Variants in NBEA observed in about 807,000 individuals in gnomAD.
NBEA encodes the protein neurobeachin, also known as lysosomal-trafficking regulator 2.
In NBEA, 44 loss-of-function variants were observed where a neutral mutation model predicts 343.4. The ratio of observed to expected loss-of-function variants is 0.13; its 90% CI spans 0.10 to 0.16. The LOEUF is 0.16. NBEA is among the 10% of genes least tolerant of loss of function. The pLI is 1.00. For synonymous variants in NBEA, 1,175 were observed against 1,238.7 expected (o/e 0.95, Z 1.08); for missense variants, 2,555 against 3,631.3 (o/e 0.70, Z 7.62).
intron 1 of NBEA, among the ~76,000 whole-genome samples, chr13:34,973,190 A>C (rs1398671112): frequency 6.6e-6 from 1 of 152,034 alleles, no homozygotes; most frequent in Non-Finnish European, 1.5e-5. Context: ...CATCCCAGGG[A>C]GGTACAGACT....
At chr13:35,481,784 C>G (rs1046990996) in intron 41 of NBEA, among the ~76,000 whole-genome samples, 2 of 151,714 alleles carry the variant, frequency 1.3e-5, no homozygotes, top group African/African-American at 4.8e-5. Flanking sequence ...TATTTCCTAA[C>G]CTACAACATA....
chr13:35,650,995 G>A (rs1201654906), intron 52 of NBEA, among the ~76,000 whole-genome samples: 3 of 152,158 alleles, frequency 2.0e-5, no homozygotes, highest in African/African-American at 4.8e-5. Flanking sequence ...TATTATCAAC[G>A]TAAGGTAACG....
intron 36 of NBEA, among the ~76,000 whole-genome samples, chr13:35,342,655 G>T (rs560666750): frequency 1.8e-4 from 28 of 152,014 alleles, no homozygotes; most frequent in African/African-American, 6.5e-4. Flanking sequence ...AGTTAGAAGG[G>T]ATTGTTACAT....
intron 1 of NBEA, among the ~76,000 whole-genome samples, chr13:34,949,496 T>C (rs1299127643): frequency 6.6e-6 from 1 of 152,144 alleles, no homozygotes; most frequent in Non-Finnish European, 1.5e-5. Context: ...AGAAGGAAAA[T>C]CTGCGTTATG....
At chr13:35,648,180 C>G (rs1475722954) in intron 51 of NBEA, among the ~76,000 whole-genome samples, 1 of 104,154 alleles carries the variant, frequency 9.6e-6, no homozygotes, top group East Asian at 2.7e-4. Flanking sequence ...TGTTTAAACT[C>G]TTTTTTTTTT....
At chr13:35,359,949 C>T (rs182087438) in intron 38 of NBEA, among the ~76,000 whole-genome samples, 5 of 151,826 alleles carry the variant, frequency 3.3e-5, no homozygotes, top group East Asian at 1.9e-4. Context: ...TATGTATTGA[C>T]GGTAACTATG....
intron 41 of NBEA, among the ~76,000 whole-genome samples, chr13:35,481,832 A>C (rs2076132883): frequency 6.6e-6 from 1 of 151,900 alleles, no homozygotes; most frequent in Admixed American, 6.6e-5. Context: ...ACATGAATTT[A>C]CGTACATTTG....
intron 30 of NBEA, among the ~76,000 whole-genome samples, chr13:35,191,970 T>C (rs924461750): frequency 5.3e-5 from 8 of 152,038 alleles, no homozygotes; most frequent in Non-Finnish European, 1.0e-4. Flanking sequence ...CAAAATGTAT[T>C]AGATGAACTC....
At chr13:35,472,372 C>T (rs1428294728) in intron 40 of NBEA, 28 bp from the exon 41 acceptor site, 1 of 1,606,818 alleles carries the variant, frequency 6.2e-7, no homozygotes, top group Non-Finnish European at 8.5e-7. Flanking sequence ...AGGGGCTCAG[C>T]CTGACTCCCC....
At chr13:35,570,756 A>T (rs2080368211) in intron 45 of NBEA, among the ~76,000 whole-genome samples, 1 of 152,204 alleles carries the variant, frequency 6.6e-6, no homozygotes, top group Admixed American at 6.5e-5. Flanking sequence ...ACCTGAGACT[A>T]TCCTGTATAA....
chr13:35,103,090 T>G (rs1329411495), intron 11 of NBEA, among the ~76,000 whole-genome samples: 2 of 151,834 alleles, frequency 1.3e-5, no homozygotes, highest in Non-Finnish European at 1.5e-5. Context: ...AACAGGATTT[T>G]ATATAACATC....
At chr13:35,388,584 AT>A (rs1214966707) in intron 38 of NBEA, among the ~76,000 whole-genome samples, 1 of 152,306 alleles carries the variant, frequency 6.6e-6, no homozygotes, top group East Asian at 1.9e-4. Flanking sequence ...CCCCTGGGTA[AT>A]GACTTTTAGT....
chr13:35,280,058 A>G (rs1052218598), intron 34 of NBEA, among the ~76,000 whole-genome samples: 2 of 152,180 alleles, frequency 1.3e-5, no homozygotes, highest in Non-Finnish European at 2.9e-5. Context: ...ATTTGTGTGT[A>G]TCTAGCTAAA....
At chr13:35,063,807 A>G (rs1021499912) in intron 8 of NBEA, among the ~76,000 whole-genome samples, 3 of 152,006 alleles carry the variant, frequency 2.0e-5, no homozygotes, top group Non-Finnish European at 4.4e-5. Flanking sequence ...CATATCTAAA[A>G]TATCTAAGAC....
At chr13:35,566,492 G>A (rs2153025746) in intron 44 of NBEA, among the ~76,000 whole-genome samples, 1 of 152,284 alleles carries the variant, frequency 6.6e-6, no homozygotes, top group South Asian at 2.1e-4. Flanking sequence ...TGCTTCCGGG[G>A]TTGCAATATT....
intron 11 of NBEA, among the ~76,000 whole-genome samples, chr13:35,107,115 A>C (rs551648830): frequency 6.6e-5 from 10 of 152,098 alleles, no homozygotes; most frequent in African/African-American, 2.4e-4. Flanking sequence ...TGAAATTATA[A>C]TTAGTGAAGG....
At chr13:35,295,879 G>T (rs1399124246) in intron 35 of NBEA, among the ~76,000 whole-genome samples, 4 of 152,022 alleles carry the variant, frequency 2.6e-5, no homozygotes, top group Admixed American at 2.6e-4. Context: ...TTTTATTGTT[G>T]AATTCTTTTT....
intron 46 of NBEA, among the ~76,000 whole-genome samples, chr13:35,584,474 T>G (rs1018641489): frequency 6.6e-6 from 1 of 150,736 alleles, no homozygotes; most frequent in African/African-American, 2.4e-5. Context: ...ATGTAACACC[T>G]TGCGCATCTA....
At chr13:35,475,619 A>C in intron 41 of NBEA, 1 of 1,613,714 alleles carries the variant, frequency 6.2e-7, no homozygotes, top group Non-Finnish European at 8.5e-7. Flanking sequence ...GTGCATTTAA[A>C]GGCCGGCGTG....
Sources: allele counts gnomAD v4.1 joint callset (sites outside exome capture counted in the v4.1 genomes callset), GRCh38; gene constraint gnomAD v4.1.1; transcripts MANE v1.5; gene names NCBI Gene and HGNC (gene_info 2026-07-23, HGNC 2026-07-21).